The following TBXAS1 variants were observed in gnomAD, a reference collection of about 807,000 sequenced individuals.
The protein encoded by TBXAS1 is thromboxane-A synthase.
Under a neutral mutation model 60.7 loss-of-function variants are expected in TBXAS1, and 48 were observed. The ratio of observed to expected loss-of-function variants is 0.79; its 90% CI spans 0.63 to 1.01. TBXAS1 has a LOEUF of 1.01. Among genes scored for constraint, TBXAS1 ranks in the 50% least tolerant of loss-of-function variants. The pLI, the probability that TBXAS1 is intolerant of heterozygous loss-of-function variation, is 0.00. For missense variants in TBXAS1, 685 were observed against 686.3 expected, an observed-to-expected ratio of 1.00 and a Z score of 0.02; for synonymous variants, 287 against 269.7, an observed-to-expected ratio of 1.06 and a Z score of -0.63.
intron 1 of TBXAS1, among the ~76,000 whole-genome samples, chr7:139,864,203 TAATTAG>T (rs1391638339): frequency 6.7e-6 from 1 of 148,878 alleles, no homozygotes; most frequent in Non-Finnish European, 1.5e-5. Flanking sequence ...CCAATAAAAC[TAATTAG>T]AAAGTCCAGA....
intron 4 of TBXAS1, chr7:139,912,942 CAACTT>C (rs1805653422): frequency 3.3e-6 from 2 of 600,314 alleles, no homozygotes; most frequent in Non-Finnish European, 6.0e-6. Context: ...TGCCATCTCT[CAACTT>C]AAGTCTAGAG....
chr7:139,899,650 A>G (rs1804419679), intron 3 of TBXAS1, among the ~76,000 whole-genome samples: 2 of 152,218 alleles, frequency 1.3e-5, no homozygotes, highest in Admixed American at 1.3e-4. Context: ...CTTGCCCGGA[A>G]AGGAGTCTAT....
intron 4 of TBXAS1, among the ~76,000 whole-genome samples, chr7:139,798,386 C>G (rs184004366): frequency 6.6e-6 from 1 of 152,322 alleles, no homozygotes; most frequent in East Asian, 1.9e-4. Flanking sequence ...CAAGTTTCCA[C>G]TGTGCTGTGA....
At chr7:139,889,307 CG>C (rs1803369111) in intron 3 of TBXAS1, among the ~76,000 whole-genome samples, 1 of 141,342 alleles carries the variant, frequency 7.1e-6, no homozygotes, top group Admixed American at 7.2e-5. Context: ...GTAATCCTGT[CG>C]AAAAAAAAGG....
intron 6 of TBXAS1, among the ~76,000 whole-genome samples, chr7:139,955,047 G>A (rs1172716445): frequency 6.6e-6 from 1 of 152,200 alleles, no homozygotes; most frequent in Non-Finnish European, 1.5e-5. Context: ...CCTGAGCTGG[G>A]CTGTGCAGAG....
chr7:139,836,254 A>G (rs1799054357), intron 1 of TBXAS1, among the ~76,000 whole-genome samples: 1 of 152,166 alleles, frequency 6.6e-6, no homozygotes, highest in African/African-American at 2.4e-5. Context: ...AAAGCAATCT[A>G]CAAATTCAAT....
chr7:140,012,620 G>A (rs909599998), intron 10 of TBXAS1, among the ~76,000 whole-genome samples: 18 of 152,190 alleles, frequency 1.2e-4, no homozygotes, highest in African/African-American at 4.3e-4. Flanking sequence ...CACCATGCTT[G>A]GCTAATTTGG....
rs147517055 is a variant in TBXAS1 at position 139,929,912 on chromosome 7, G to A, written c.334-6279G>A. Among the ~76,000 whole-genome samples the A allele has an allele frequency of 5.8e-3, 882 of 152,262 alleles. 8 individuals carry two copies. The highest frequency in any genetic ancestry group is 0.025 in the South Asian group (122 of 4,828). On this transcript the variant is annotated intron_variant, in intron 4 of 12. Transcript: ENST00000448866. ...CAGTTGATTCTCAACACCAAACAGCGAGATTCTTTAAAACAGAAGTCAGCT... is the reference window on the plus strand; with the variant it reads ...CAGTTGATTCTCAACACCAAACAGCAAGATTCTTTAAAACAGAAGTCAGCT...
Position 140,017,792 on chromosome 7 carries a change from G to A in TBXAS1, c.1486G>A (p.Val496Met), listed in dbSNP as rs747825074. 60 of 1,613,964 alleles carry A rather than the reference G, an allele frequency of 3.7e-5. No homozygotes were observed. The highest frequency in any genetic ancestry group is 1.6e-4 in the Middle Eastern group (1 of 6,084). ...TGAGGTCAAGTTGACACTGCTCCAC[G>A]TGCTGCACAAGTTCCGGTTCCAAGC... The part of the protein sequence containing the change: ...LLEVKLTLLH[V>M]LHKFRFQACP... The change falls in exon 12 of 13, where the codon GTG (valine) becomes ATG (methionine). Residue 496 changes from valine to methionine, a missense_variant. Coordinates refer to ENST00000448866, the MANE Select transcript of TBXAS1 (RefSeq NM_001061.7).
At chr7:139,863,593 C>A (rs1239332407) in intron 1 of TBXAS1, among the ~76,000 whole-genome samples, 1 of 152,104 alleles carries the variant, frequency 6.6e-6, no homozygotes, top group Non-Finnish European at 1.5e-5. Context: ...ACAATAAAAC[C>A]ACTACATTAA....
In TBXAS1 at chr7:139,896,236, G is replaced by GT. The variant is rs139157100; in HGVS notation, c.237-14988dup. On this transcript the variant is annotated intron_variant, in intron 3 of 12. Coordinates refer to ENST00000448866, the MANE Select transcript of TBXAS1 (RefSeq NM_001061.7). This position sits in a 1 kb window ranked among gnomAD's most constrained non-coding sequence, Gnocchi z 4.0. Reference sequence around the variant, plus strand: ...TATCAATAAACAGAGGGTGATGCAGGTCAGTAGAGGAAAGGACCAGGTGCC... The same window carrying GT: ...TATCAATAAACAGAGGGTGATGCAGGTTCAGTAGAGGAAAGGACCAGGTGCC... Among the ~76,000 whole-genome samples the GT allele has an allele frequency of 9.2e-3, 1,396 of 152,228 alleles. 15 individuals carry two copies. Among genetic ancestry groups the GT allele is most frequent in the South Asian group, 0.028 (133 of 4,814 alleles).
intron 4 of TBXAS1, among the ~76,000 whole-genome samples, chr7:139,921,499 G>T (rs1806467525): frequency 6.6e-6 from 1 of 152,078 alleles, no homozygotes; most frequent in East Asian, 1.9e-4. Context: ...AGGAGTTCGA[G>T]ACTGGCCTGG....
At chr7:139,786,339 C>G (rs1219212056) in intron 3 of TBXAS1, among the ~76,000 whole-genome samples, 1 of 152,010 alleles carries the variant, frequency 6.6e-6, no homozygotes, top group African/African-American at 2.4e-5. Context: ...CTTAATAAAT[C>G]TGTACTGAAT....
chr7:139,806,200 A>G (rs1797871358), intron 4 of TBXAS1, among the ~76,000 whole-genome samples: 1 of 151,628 alleles, frequency 6.6e-6, no homozygotes, highest in African/African-American at 2.4e-5. Flanking sequence ...CAGCCTCCCA[A>G]AATGCTGGGA....
chr7:139,810,478 A>G (rs936049176), intron 4 of TBXAS1, among the ~76,000 whole-genome samples: 1 of 152,154 alleles, frequency 6.6e-6, no homozygotes, highest in Non-Finnish European at 1.5e-5. Context: ...CGCCATGGGG[A>G]TAGATGAATG....
In TBXAS1 at chr7:139,853,543, G is replaced by A. The variant is rs117803760; in HGVS notation, c.90-18692G>A. ...ACAGAATTTGGGGAGGAGTAAATGA[G>A]CTCATGTGTGGGAAGCACTCAGCCG... On this transcript the variant is annotated intron_variant, in intron 1 of 12. Coordinates refer to ENST00000448866, the MANE Select transcript of TBXAS1 (RefSeq NM_001061.7). 5.8e-3 allele frequency among the ~76,000 whole-genome samples: 885 copies of A among 152,290 alleles called. 7 individuals are homozygous for A. Among genetic ancestry groups the A allele is most frequent in the South Asian group, 0.026 (124 of 4,820 alleles).
chr7:140,010,061 C>T lies in TBXAS1; in HGVS notation c.1226+2879C>T, dbSNP rs1814486060. ...CCACACCCACACCACACCCGCCCCA[C>T]ACCTGCTCCACACCCACACCACACC... is the stretch of plus-strand genomic sequence containing the variant. On this transcript the variant is annotated intron_variant, in intron 10 of 12. Transcript: ENST00000448866. Among the ~76,000 whole-genome samples, 4 of 148,160 alleles carry T rather than the reference C, an allele frequency of 2.7e-5. No homozygotes were observed. The South Asian group carries it at 8.7e-4, about 32-fold the overall frequency.
chr7:139,929,533 A>T (rs1807149395), intron 4 of TBXAS1, among the ~76,000 whole-genome samples: 1 of 152,216 alleles, frequency 6.6e-6, no homozygotes, highest in Non-Finnish European at 1.5e-5. Flanking sequence ...AGGTTGCTTT[A>T]TGAGGAAGTT....
rs1275584727 is a variant in TBXAS1, at chr7:140,015,864, A to T, written c.1364+4A>T. 3 of 1,613,808 alleles carry T rather than the reference A, an allele frequency of 1.9e-6. No individual in the cohort carries two copies. Among genetic ancestry groups the T allele is most frequent in the Non-Finnish European group, 1.7e-6 (2 of 1,180,032 alleles). ...CGGAGACCTTCAACCCTGAAAGGTGAGTACTGCCCCTTTTAAAAAGCTCTG... is the reference window on the plus strand; with the variant it reads ...CGGAGACCTTCAACCCTGAAAGGTGTGTACTGCCCCTTTTAAAAAGCTCTG... On this transcript the variant is annotated splice_donor_region_variant and intron_variant, in intron 11 of 12. Transcript: ENST00000448866.
Sources: allele counts gnomAD v4.1 joint callset (sites outside exome capture counted in the v4.1 genomes callset), GRCh38; gene constraint gnomAD v4.1.1; non-coding constraint Gnocchi (gnomAD v3.1); transcripts MANE v1.5; gene names NCBI Gene and HGNC (gene_info 2026-07-23, HGNC 2026-07-21).